Variants in PDE1A observed in about 807,000 individuals in gnomAD.
PDE1A encodes the protein phosphodiesterase 1A.
In PDE1A, 35 loss-of-function variants were observed where a neutral mutation model predicts 61.7. The observed-to-expected ratio is 0.57, with a 90% CI of 0.43 to 0.75. PDE1A has a LOEUF of 0.75. Ranked by LOEUF, PDE1A falls within the 30% of genes least tolerant of loss-of-function variation. The pLI, the probability that PDE1A is intolerant of heterozygous loss-of-function variation, is 0.00. For synonymous variants in PDE1A, 232 were observed against 213.2 expected (o/e 1.09, Z -0.77); for missense variants, 597 against 630.6 (o/e 0.95, Z 0.57).
At chr2:182,190,332 A>C (rs1685584008) in intron 10 of PDE1A, among the ~76,000 whole-genome samples, 1 of 152,216 alleles carries the variant, frequency 6.6e-6, no homozygotes, top group African/African-American at 2.4e-5. Flanking sequence ...TCTGGATAAT[A>C]ATAACACTAT....
chr2:182,712,758 G>A, the PDE1A span, among the ~76,000 whole-genome samples: 1 of 151,868 alleles, frequency 6.6e-6, no homozygotes, highest in East Asian at 1.9e-4. Context: ...GGGTTTCACT[G>A]TGTTAGCCAG....
At chr2:182,182,457 C>T (rs963215313) in intron 13 of PDE1A, among the ~76,000 whole-genome samples, 3 of 152,168 alleles carry the variant, frequency 2.0e-5, no homozygotes, top group Admixed American at 2.0e-4. Flanking sequence ...TCCCATGTGT[C>T]TCCTGGGTTA....
At chr2:182,516,128 C>T (rs1690134778) in intron 2 of PDE1A, among the ~76,000 whole-genome samples, 1 of 152,130 alleles carries the variant, frequency 6.6e-6, no homozygotes, top group Non-Finnish European at 1.5e-5. Flanking sequence ...GAATTATCTT[C>T]AGTTCTGTAG....
chr2:182,578,761 G>A, the PDE1A span, among the ~76,000 whole-genome samples: 1 of 152,206 alleles, frequency 6.6e-6, no homozygotes, highest in Non-Finnish European at 1.5e-5. Context: ...GCCCTATTGT[G>A]AGCTCAGGAA....
intron 1 of PDE1A, among the ~76,000 whole-genome samples, chr2:182,325,809 C>T (rs902656685): frequency 6.6e-6 from 1 of 152,136 alleles, no homozygotes; most frequent in Admixed American, 6.6e-5. Context: ...TTCTCAGCTA[C>T]TCAGGAGGCT....
At chr2:182,284,931 G>T (rs1300907240) in intron 1 of PDE1A, among the ~76,000 whole-genome samples, 1 of 152,044 alleles carries the variant, frequency 6.6e-6, no homozygotes, top group Non-Finnish European at 1.5e-5. Context: ...TAAGTAACTT[G>T]CCTAAGGTCA....
At chr2:182,378,448 T>C (rs1700543989) in intron 1 of PDE1A, among the ~76,000 whole-genome samples, 1 of 152,226 alleles carries the variant, frequency 6.6e-6, no homozygotes, top group Non-Finnish European at 1.5e-5. Flanking sequence ...TCAAATTTTA[T>C]TGAACTAAGT....
chr2:182,201,857 A>G (rs779801613), intron 8 of PDE1A, 68 bp from the exon 9 acceptor site: 7 of 912,660 alleles, frequency 7.7e-6, no homozygotes. Context: ...ACACTTCAAT[A>G]AATAATCACT....
Position 182,168,332 on chromosome 2 carries a change from A to G in PDE1A, c.1517-42T>C, listed in dbSNP as rs759611298. Reference sequence around the variant, plus strand: ...CGTACTTATTTTAATAATTTAGAGAAAATGCTGTAAAGAAGTTATGAAAAA... The same window carrying G: ...CGTACTTATTTTAATAATTTAGAGAGAATGCTGTAAAGAAGTTATGAAAAA... On this transcript the variant is annotated intron_variant, in intron 13 of 13. Transcript: ENST00000351439. The G allele has an allele frequency of 2.0e-6, 3 of 1,528,452 alleles. No homozygotes were observed. The Admixed American group carries it at 6.4e-5, about 32-fold the overall frequency. The allele number at this position is 1,528,452 out of a possible 1,614,324, so 94.7% of individuals were successfully genotyped here.
chr2:182,620,804 C>T, the PDE1A span, among the ~76,000 whole-genome samples: 1 of 152,122 alleles, frequency 6.6e-6, no homozygotes, highest in African/African-American at 2.4e-5. Context: ...AATCTTAGCT[C>T]ATTTGAGTTC....
intron 1 of PDE1A, among the ~76,000 whole-genome samples, chr2:182,406,938 G>C (rs527576248): frequency 6.6e-6 from 1 of 151,900 alleles, no homozygotes; most frequent in Non-Finnish European, 1.5e-5. Context: ...TGTAAATCCT[G>C]CATATTTTTC....
chr2:182,216,201 T>G lies in PDE1A; in HGVS notation c.776+7663A>C, dbSNP rs1478885635. On this transcript the variant is annotated intron_variant, in intron 7 of 13. Transcript: ENST00000351439. ...TCTCAATAGATGCAGAAAAAGCCTT[T>G]GACAAAATTCAACAACCCTTCATGC... is the stretch of plus-strand genomic sequence containing the variant. Among the ~76,000 whole-genome samples, 8 of 71,842 alleles carry G rather than the reference T, an allele frequency of 1.1e-4. 2 individuals carry two copies. Among genetic ancestry groups the G allele is most frequent in the African/African-American group, 3.5e-4 (7 of 19,792 alleles). 47.1% of individuals were successfully genotyped at this position (71,842 alleles called of 152,430 possible).
chr2:182,271,574 T>C (rs952748709), intron 1 of PDE1A, among the ~76,000 whole-genome samples: 1 of 152,102 alleles, frequency 6.6e-6, no homozygotes, highest in Non-Finnish European at 1.5e-5. Context: ...ATGTAAACAT[T>C]CAAAGAGTTA....
intron 1 of PDE1A, among the ~76,000 whole-genome samples, chr2:182,360,151 C>A (rs1699416635): frequency 6.6e-6 from 1 of 152,144 alleles, no homozygotes; most frequent in South Asian, 2.1e-4. Context: ...GAACATTTAA[C>A]ATAGATACGA....
At chr2:182,147,695 T>C (rs551022056) in intron 13 of PDE1A, among the ~76,000 whole-genome samples, 30 of 152,278 alleles carry the variant, frequency 2.0e-4, no homozygotes, top group African/African-American at 7.0e-4. Context: ...CTGGAGAGGT[T>C]GTAGAGAATC....
chr2:182,653,446 CTA>C, the PDE1A span, among the ~76,000 whole-genome samples: 1 of 152,150 alleles, frequency 6.6e-6, no homozygotes, highest in Non-Finnish European at 1.5e-5. Context: ...GACCAGAAAA[CTA>C]TTTGGCCATA....
At chr2:182,626,969 A>G in the PDE1A span, among the ~76,000 whole-genome samples, 13 of 17,330 alleles carry the variant, frequency 7.5e-4, 1 homozygote, top group African/African-American at 3.1e-3. Context: ...TGCCTTTGAG[A>G]AAAAAAAAAA....
At chr2:182,306,601 C>G (rs1695601742) in intron 1 of PDE1A, among the ~76,000 whole-genome samples, 1 of 152,010 alleles carries the variant, frequency 6.6e-6, no homozygotes, top group Admixed American at 6.6e-5. Flanking sequence ...CAGCATGGGA[C>G]TGGCATAAAA....
At chr2:182,385,640 G>GA (rs1553606357) in intron 1 of PDE1A, among the ~76,000 whole-genome samples, 4,166 of 70,410 alleles carry the variant, frequency 0.059, 445 homozygotes, top group Non-Finnish European at 0.094. Context: ...AAAGAAAGAA[G>GA]AAGAAAGAAA....
Sources: allele counts gnomAD v4.1 joint callset (sites outside exome capture counted in the v4.1 genomes callset), GRCh38; gene constraint gnomAD v4.1.1; transcripts MANE v1.5; gene names NCBI Gene and HGNC (gene_info 2026-07-23, HGNC 2026-07-21).